The following TENM3 variants were observed in gnomAD, a reference collection of about 807,000 sequenced individuals.
TENM3 encodes the protein teneurin-3.
In TENM3, 63 loss-of-function variants were observed where a neutral mutation model predicts 255.1. That is an observed-to-expected ratio of 0.25 (90% CI 0.20 to 0.30). The LOEUF is 0.30. Ranked by LOEUF, TENM3 falls within the 10% of genes least tolerant of loss-of-function variation. TENM3 has a pLI of 1.00. For missense variants in TENM3, 2,929 were observed against 3,461.1 expected, an observed-to-expected ratio of 0.85 and a Z score of 3.86; for synonymous variants, 1,306 against 1,322.3, an observed-to-expected ratio of 0.99 and a Z score of 0.27.
At chr4:181,522,889 T>C in the TENM3 span, 2 of 975,244 alleles carry the variant, frequency 2.1e-6, no homozygotes. Context: ...GTTGTGATGA[T>C]AGCAGTTGTT....
chr4:181,535,337 G>A, the TENM3 span, among the ~76,000 whole-genome samples: 1 of 152,102 alleles, frequency 6.6e-6, no homozygotes, highest in East Asian at 1.9e-4. Flanking sequence ...ACCAAATATT[G>A]GTCATGCAGC....
chr4:181,923,073 A>G, the TENM3 span, among the ~76,000 whole-genome samples: 1 of 152,032 alleles, frequency 6.6e-6, no homozygotes, highest in Admixed American at 6.6e-5. Context: ...CCTGAGTTCT[A>G]GTTTGATTGC....
chr4:181,987,643 C>T, the TENM3 span, among the ~76,000 whole-genome samples: 181 of 152,096 alleles, frequency 1.2e-3, no homozygotes, highest in African/African-American at 4.1e-3. Context: ...CTTTTGGTTT[C>T]GTTATTTTTC....
chr4:182,639,441 CTTT>C (rs1198220981), intron 5 of TENM3, among the ~76,000 whole-genome samples: 2 of 152,150 alleles, frequency 1.3e-5, no homozygotes, highest in Non-Finnish European at 2.9e-5. Context: ...TCTTCTTCTT[CTTT>C]GTAACAACCT....
the TENM3 span, among the ~76,000 whole-genome samples, chr4:181,635,737 G>T: frequency 8.5e-5 from 13 of 152,182 alleles, no homozygotes; most frequent in Non-Finnish European, 4.4e-5. Flanking sequence ...TTACATATTA[G>T]CTTTCTTTGT....
intron 3 of TENM3, among the ~76,000 whole-genome samples, chr4:182,358,779 G>A (rs1239348816): frequency 6.8e-6 from 1 of 146,660 alleles, no homozygotes; most frequent in Non-Finnish European, 1.5e-5. Flanking sequence ...GTGAGAGAGG[G>A]CATCCCTGTC....
the TENM3 span, among the ~76,000 whole-genome samples, chr4:181,609,152 G>T: frequency 4.6e-4 from 70 of 152,296 alleles, no homozygotes; most frequent in Non-Finnish European, 3.1e-4. Context: ...GAATGTGGGT[G>T]TGAAGGAAGT....
At chr4:182,109,215 A>G in the TENM3 span, among the ~76,000 whole-genome samples, 2 of 142,970 alleles carry the variant, frequency 1.4e-5, no homozygotes, top group Admixed American at 7.0e-5. Context: ...ATATATTTAT[A>G]TATATTATCA....
chr4:182,713,277 A>G (rs970296719), intron 12 of TENM3, among the ~76,000 whole-genome samples: 3 of 152,204 alleles, frequency 2.0e-5, no homozygotes, highest in Non-Finnish European at 4.4e-5. Flanking sequence ...CAGTCTATCA[A>G]TGTTTTATTG....
chr4:182,763,131 G>A (rs1763349943), intron 22 of TENM3, among the ~76,000 whole-genome samples: 1 of 151,924 alleles, frequency 6.6e-6, no homozygotes, highest in African/African-American at 2.4e-5. Flanking sequence ...CCCATGACTG[G>A]GCTTTTTAAT....
the TENM3 span, among the ~76,000 whole-genome samples, chr4:182,107,402 G>A: frequency 1.3e-5 from 2 of 152,178 alleles, no homozygotes; most frequent in Non-Finnish European, 1.5e-5. Flanking sequence ...CTGAAACATC[G>A]AAGGACATCC....
the TENM3 span, among the ~76,000 whole-genome samples, chr4:181,922,867 C>T: frequency 6.6e-6 from 1 of 151,996 alleles, no homozygotes; most frequent in African/African-American, 2.4e-5. Context: ...CTCTTGTGGG[C>T]ATTCAGTGCT....
intron 1 of TENM3, among the ~76,000 whole-genome samples, chr4:182,297,069 G>A (rs539690177): frequency 9.9e-5 from 15 of 152,188 alleles, no homozygotes; most frequent in Non-Finnish European, 2.1e-4. Context: ...GCTTTAAGAT[G>A]CCAATAGTAT....
At chr4:181,686,711 T>C in the TENM3 span, among the ~76,000 whole-genome samples, 1 of 152,200 alleles carries the variant, frequency 6.6e-6, no homozygotes, top group Admixed American at 6.5e-5. Flanking sequence ...ATTGTTTTCA[T>C]TTAATTCATT....
rs550402563 is a variant in TENM3 at position 182,625,610 on chromosome 4, T to C, written c.750-3041T>C. Among the ~76,000 whole-genome samples the C allele has an allele frequency of 1.3e-4, 20 of 152,306 alleles. No individual in the cohort carries two copies. The South Asian group carries it at 3.3e-3, about 25-fold the overall frequency. On this transcript the variant is annotated intron_variant, in intron 4 of 27. Transcript: ENST00000511685. ...CCACAGTCATAGGAAATGTCAGTCC[T>C]TTTCCTATACTTGGCAAAGATGATC... is the stretch of plus-strand genomic sequence containing the variant.
intron 1 of TENM3, among the ~76,000 whole-genome samples, chr4:182,177,964 T>TG (rs1358714032): frequency 8.0e-5 from 11 of 137,910 alleles, no homozygotes; most frequent in African/African-American, 2.8e-4. Flanking sequence ...TTTTGTTTTT[T>TG]TTTTTTTTTT....
chr4:182,490,746 T>G (rs2151582251), intron 3 of TENM3, among the ~76,000 whole-genome samples: 1 of 52,796 alleles, frequency 1.9e-5, no homozygotes, highest in Non-Finnish European at 4.3e-5. Context: ...CTTGGCAACC[T>G]TGGTGGTATC....
intron 3 of TENM3, among the ~76,000 whole-genome samples, chr4:182,554,109 A>G (rs1166296322): frequency 6.6e-6 from 1 of 152,208 alleles, no homozygotes; most frequent in Non-Finnish European, 1.5e-5. Context: ...AAAAAGGGAT[A>G]ATAATTGCTT....
the TENM3 span, among the ~76,000 whole-genome samples, chr4:181,654,825 C>T: frequency 0.081 from 12,230 of 151,520 alleles, 634 homozygotes; most frequent in East Asian, 0.22. Flanking sequence ...GCAGATTCCT[C>T]GGCCTCACCC....
Sources: gnomAD v4.1 joint callset for allele counts (sites outside exome capture counted in the v4.1 genomes callset) on GRCh38, gnomAD v4.1.1 for gene constraint, MANE v1.5 for transcripts, NCBI Gene and HGNC (gene_info 2026-07-23, HGNC 2026-07-21) for gene names.